The following ADGRB3 variants were observed in gnomAD, a reference collection of about 807,000 sequenced individuals.
ADGRB3 encodes adhesion G protein-coupled receptor B3, also known as brain-specific angiogenesis inhibitor 3.
Under a neutral mutation model 193.4 loss-of-function variants are expected in ADGRB3, and 37 were observed. The observed-to-expected ratio is 0.19, with a 90% CI of 0.15 to 0.25. The LOEUF (loss-of-function observed/expected upper bound fraction) is 0.25, where lower values mean the gene tolerates loss of function less well. Ranked by LOEUF, ADGRB3 falls within the 10% of genes least tolerant of loss-of-function variation. The pLI is 1.00. For missense variants in ADGRB3, 1,637 were observed against 1,852.9 expected, an observed-to-expected ratio of 0.88 and a Z score of 2.14; for synonymous variants, 690 against 644.2, an observed-to-expected ratio of 1.07 and a Z score of -1.08.
intron 8 of ADGRB3, among the ~76,000 whole-genome samples, chr6:68,963,715 G>T (rs1171763267): frequency 6.6e-6 from 1 of 152,042 alleles, no homozygotes; most frequent in African/African-American, 2.4e-5. Flanking sequence ...TGTTGATAGG[G>T]GAGAATTTGG....
At chr6:68,847,780 G>A (rs1022445930) in intron 3 of ADGRB3, among the ~76,000 whole-genome samples, 1 of 152,236 alleles carries the variant, frequency 6.6e-6, no homozygotes, top group East Asian at 1.9e-4. Context: ...GTTAAAAGAG[G>A]TGGGGTCGGG....
intron 3 of ADGRB3, among the ~76,000 whole-genome samples, chr6:68,834,337 G>T (rs1456454473): frequency 6.6e-6 from 1 of 151,914 alleles, no homozygotes; most frequent in Non-Finnish European, 1.5e-5. Context: ...AACCCTGTAA[G>T]AATAGTTACT....
chr6:69,011,813 C>A (rs903413003), intron 11 of ADGRB3, among the ~76,000 whole-genome samples: 20 of 152,110 alleles, frequency 1.3e-4, no homozygotes, highest in South Asian at 1.0e-3. Context: ...TGCCCCACTG[C>A]TTGAGACATT....
At chr6:69,083,770 ACT>A (rs1772465067) in intron 17 of ADGRB3, among the ~76,000 whole-genome samples, 1 of 111,264 alleles carries the variant, frequency 9.0e-6, no homozygotes, top group African/African-American at 3.2e-5. Context: ...ATTAACTGTT[ACT>A]TTTTTTTTTT....
chr6:68,897,535 A>AAGGGAGGGAGGAAGGAGGAAG (rs1766260941), intron 3 of ADGRB3, among the ~76,000 whole-genome samples: 1 of 46,752 alleles, frequency 2.1e-5, no homozygotes, highest in African/African-American at 1.1e-4. Context: ...GAAAGAGGAA[A>AAGGGAGGGAGGAAGGAGGAAG]GAGGGAAGGA....
At chr6:69,168,242 G>A (rs1055890915) in intron 17 of ADGRB3, among the ~76,000 whole-genome samples, 1 of 152,116 alleles carries the variant, frequency 6.6e-6, no homozygotes, top group East Asian at 1.9e-4. Context: ...AAGTAGGCGA[G>A]AACAGGGAAA....
intron 12 of ADGRB3, among the ~76,000 whole-genome samples, chr6:69,015,262 A>T (rs919420013): frequency 3.3e-5 from 5 of 152,064 alleles, no homozygotes; most frequent in African/African-American, 1.2e-4. Context: ...AATTTATCAG[A>T]TGCTGTTATT....
rs555557394 is a variant in ADGRB3, at chr6:68,786,059, T to A, written c.758-144500T>A. The stretch of plus-strand genomic sequence containing the variant: ...TTGTAGATTCTGGATATTAGCCCGT[T>A]GTCAGATGAGTAGGTTGCAAAAATT... On this transcript the variant is annotated intron_variant, in intron 3 of 31. Transcript: ENST00000370598. Among the ~76,000 whole-genome samples, 580 of 151,804 alleles carry A rather than the reference T, an allele frequency of 3.8e-3. 4 individuals are homozygous for A. Among genetic ancestry groups the A allele is most frequent in the Non-Finnish European group, 4.9e-3 (334 of 68,032 alleles).
At chr6:68,948,432 G>A (rs750032515) in intron 6 of ADGRB3, among the ~76,000 whole-genome samples, 22 of 151,958 alleles carry the variant, frequency 1.4e-4, no homozygotes, top group African/African-American at 3.6e-4. Context: ...GAAAAGTGTC[G>A]CACATAATGG....
At chr6:69,040,378 C>CTTTCTTTCTTTCT (rs1562133289) in intron 13 of ADGRB3, among the ~76,000 whole-genome samples, 1 of 21,352 alleles carries the variant, frequency 4.7e-5, no homozygotes, top group African/African-American at 1.9e-4. Flanking sequence ...TCTTTCTTTC[C>CTTTCTTTCTTTCT]TTCTCTCTCT....
intron 17 of ADGRB3, among the ~76,000 whole-genome samples, chr6:69,104,108 C>T (rs899656983): frequency 1.2e-4 from 18 of 151,670 alleles, no homozygotes; most frequent in African/African-American, 3.9e-4. Context: ...CATATGTATA[C>T]ATGTGCCATG....
intron 8 of ADGRB3, among the ~76,000 whole-genome samples, chr6:68,965,058 C>A (rs192496574): frequency 6.6e-6 from 1 of 152,094 alleles, no homozygotes; most frequent in Admixed American, 6.6e-5. Flanking sequence ...ATGAGAATAA[C>A]AATTCTGTTC....
chr6:68,958,165 C>A (rs568805060), intron 8 of ADGRB3, among the ~76,000 whole-genome samples: 59 of 151,954 alleles, frequency 3.9e-4, no homozygotes, highest in Admixed American at 2.6e-4. Context: ...TGCACCACTG[C>A]ACTGCAGCCT....
chr6:69,155,736 C>A (rs539451931), intron 17 of ADGRB3, among the ~76,000 whole-genome samples: 190 of 152,194 alleles, frequency 1.2e-3, no homozygotes, highest in African/African-American at 4.5e-3. Context: ...TATAGGCCAG[C>A]GTATTTCCAA....
At chr6:69,100,822 GA>G (rs1362136283) in intron 17 of ADGRB3, among the ~76,000 whole-genome samples, 12 of 117,106 alleles carry the variant, frequency 1.0e-4, no homozygotes, top group Non-Finnish European at 1.5e-4. Flanking sequence ...AGGAAGGAAG[GA>G]AAGAAGGAAG....
At chr6:69,037,787 T>A (rs1482553983) in intron 13 of ADGRB3, among the ~76,000 whole-genome samples, 4 of 152,164 alleles carry the variant, frequency 2.6e-5, no homozygotes, top group Non-Finnish European at 5.9e-5. Flanking sequence ...ATTTTCTCAA[T>A]ATCTTCATAG....
intron 13 of ADGRB3, among the ~76,000 whole-genome samples, chr6:69,039,250 AAG>A (rs1183086365): frequency 1.6e-5 from 2 of 123,642 alleles, no homozygotes; most frequent in African/African-American, 2.7e-5. Context: ...GTAATAAGGA[AAG>A]AAAAAAAAAA....
At chr6:68,912,171 C>T (rs548128595) in intron 3 of ADGRB3, among the ~76,000 whole-genome samples, 1 of 151,880 alleles carries the variant, frequency 6.6e-6, no homozygotes, top group East Asian at 1.9e-4. Flanking sequence ...ATTCAGAAAA[C>T]CTTTAGGGTC....
At chr6:68,878,985 T>A (rs1765664200) in intron 3 of ADGRB3, among the ~76,000 whole-genome samples, 1 of 152,122 alleles carries the variant, frequency 6.6e-6, no homozygotes, top group Non-Finnish European at 1.5e-5. Context: ...TGCCCATGAT[T>A]CAAGCATCTC....
Sources: allele counts gnomAD v4.1 joint callset (sites outside exome capture counted in the v4.1 genomes callset), GRCh38; gene constraint gnomAD v4.1.1; transcripts MANE v1.5; gene names NCBI Gene and HGNC (gene_info 2026-07-23, HGNC 2026-07-21).